The following POLR3E variants were observed in gnomAD, a reference collection of about 807,000 sequenced individuals.
POLR3E encodes the protein DNA-directed RNA polymerase III subunit RPC5.
In POLR3E, 41 loss-of-function variants were observed where a neutral mutation model predicts 96.6. The observed-to-expected ratio is 0.42, with a 90% confidence interval of 0.33 to 0.55. POLR3E has a LOEUF of 0.55. Ranked by LOEUF, POLR3E falls within the 20% of genes least tolerant of loss-of-function variation. The pLI is 0.06. For synonymous variants in POLR3E, 396 were observed against 383.6 expected (o/e 1.03, Z -0.38); for missense variants, 849 against 952.1 (o/e 0.89, Z 1.43).
At chr16:22,305,411 A>T in intron 3 of POLR3E, 3 of 697,592 alleles carry the variant, frequency 4.3e-6, no homozygotes, top group Non-Finnish European at 7.9e-6. Context: ...GGAGAGGCAG[A>T]AGTGTGCAGC....
At chr16:22,321,039 G>A (rs765684053) in intron 13 of POLR3E, among the ~76,000 whole-genome samples, 19 of 152,126 alleles carry the variant, frequency 1.2e-4, no homozygotes, top group East Asian at 1.9e-4. Flanking sequence ...GGTCTTGAGC[G>A]TGGGGCTTGA....
rs2141780210 is a variant in POLR3E, at chr16:22,318,223, A to G, written c.866-603A>G. The stretch of plus-strand genomic sequence containing the variant: ...ATTCTCATGCCTCAGCCTCTGGAGT[A>G]GCTGGGACTACAGGTGCCCGCCATC... On this transcript the variant is annotated intron_variant, in intron 12 of 20. Transcript: ENST00000299853. The surrounding 1 kb of genome is among the most constrained non-coding windows in gnomAD (Gnocchi z 5.0). Among the ~76,000 whole-genome samples the G allele has an allele frequency of 6.6e-6, 1 of 152,134 alleles. No individual in the cohort carries two copies. Among genetic ancestry groups the G allele is most frequent in the Non-Finnish European group, 1.5e-5 (1 of 67,976 alleles).
intron 13 of POLR3E, among the ~76,000 whole-genome samples, chr16:22,319,181 C>G (rs953922347): frequency 2.0e-5 from 3 of 151,488 alleles, no homozygotes; most frequent in Non-Finnish European, 4.4e-5. Flanking sequence ...ACCATGTTGG[C>G]CAGGCTGGTC....
At position 22,334,483 on chromosome 16, in the gene POLR3E, T is replaced by C. The variant is rs1039635721; in HGVS notation, c.*783T>C. ...TTCAAATGGTTACAGGAAGGCGATCTTGTTGGGCTCAGCGTTACGTGTATC... is the reference window on the plus strand; with the variant it reads ...TTCAAATGGTTACAGGAAGGCGATCCTGTTGGGCTCAGCGTTACGTGTATC... On this transcript the variant is annotated 3_prime_UTR_variant, in exon 21 of 21. Coordinates refer to ENST00000299853, the MANE Select transcript of POLR3E (RefSeq NM_018119.4). 3.9e-5 allele frequency: 6 copies of C among 152,190 alleles called. No individual in the cohort carries two copies. The highest frequency in any genetic ancestry group is 7.3e-5 in the Non-Finnish European group (5 of 68,040). 9.4% of individuals were successfully genotyped at this position (152,190 alleles called of 1,614,324 possible). A position where few individuals can be genotyped will look rare whatever the true frequency, so the allele number is the denominator to read the frequency against.
Position 22,313,930 on chromosome 16 carries a change from G to C in POLR3E, c.473-149G>C. 1 of 750,202 alleles carries C rather than the reference G, an allele frequency of 1.3e-6. No individual in the cohort carries two copies. The highest frequency in any genetic ancestry group is 2.1e-5 in the Admixed American group (1 of 46,604). 46.5% of individuals were successfully genotyped at this position (750,202 alleles called of 1,614,324 possible). ...ATCCCCAGGGTAAAGGGGCAAAACTGTCCCCGATTGAGAACCACTGGCTTA... is the reference window on the plus strand; with the variant it reads ...ATCCCCAGGGTAAAGGGGCAAAACTCTCCCCGATTGAGAACCACTGGCTTA... On this transcript the variant is annotated intron_variant, in intron 7 of 20. Transcript: ENST00000299853. This position sits in a 1 kb window ranked among gnomAD's most constrained non-coding sequence, Gnocchi z 4.1.
At chr16:22,321,898 A>C (rs1185309942) in intron 13 of POLR3E, among the ~76,000 whole-genome samples, 1 of 152,190 alleles carries the variant, frequency 6.6e-6, no homozygotes, top group Non-Finnish European at 1.5e-5. Flanking sequence ...GTGAGGAGAC[A>C]ATGCAAAATC....
In POLR3E at chr16:22,309,353, G is replaced by T; in HGVS notation, c.282-75G>T. On this transcript the variant is annotated intron_variant, in intron 5 of 20. Coordinates refer to ENST00000299853, the MANE Select transcript of POLR3E (RefSeq NM_018119.4). ...TGGCACTTCAGAAAGTGTCTAGGGG[G>T]TGGGGTGCGCTGTGGCCACAGGCCC... 4 of 1,092,878 alleles carry T rather than the reference G, an allele frequency of 3.7e-6. No homozygotes were observed. In the South Asian group the frequency reaches 5.0e-5, roughly 14 times the overall value. The allele number at this position is 1,092,878 out of a possible 1,614,324, so 67.7% of individuals were successfully genotyped here.
Position 22,324,400 on chromosome 16 carries a change from C to T in POLR3E, c.1115C>T (p.Ala372Val), listed in dbSNP as rs774911272. 6.2e-6 allele frequency: 10 copies of T among 1,612,622 alleles called. No homozygotes were observed. The highest frequency in any genetic ancestry group is 1.7e-5 in the Admixed American group (1 of 59,992). Residue 372 changes from alanine (A) to valine (V), a missense_variant, in exon 15 of 21, where the codon GCA (alanine) becomes GTA (valine). Coordinates refer to ENST00000299853, the MANE Select transcript of POLR3E (RefSeq NM_018119.4). ...CGCTGGGTGGTTAGGAAAGAGGTGG[C>T]AACCGTGACCAAAGTAAGTGGCGTT... is the stretch of plus-strand genomic sequence containing the variant. ...QSRWVVRKEV[A>V]TVTKLCAEDV...
rs183710057 is a variant in POLR3E, at chr16:22,316,395, G to A, written c.643-206G>A. Among the ~76,000 whole-genome samples the A allele has an allele frequency of 3.0e-4, 46 of 152,296 alleles. No homozygotes were observed. The East Asian group carries it at 6.0e-3, about 20-fold the overall frequency. On this transcript the variant is annotated intron_variant, in intron 9 of 20. Transcript: ENST00000299853. ...GTACCTGTGTTACAGACAAGGCATC[G>A]AGGCTTGGGGGCTGGGGCTGGGCAG...
chr16:22,326,778 T>G, intron 18 of POLR3E: 1 of 177,066 alleles, frequency 5.6e-6, no homozygotes, highest in Non-Finnish European at 1.2e-5. Context: ...GAGTTTTGAA[T>G]CCTTTCTGCT....
chr16:22,328,859 C>G (rs117111739), intron 19 of POLR3E: 7,082 of 392,472 alleles, frequency 0.018, 293 homozygotes, highest in East Asian at 0.12. Context: ...GGCGTAGTGG[C>G]TCACGCCTGT....
At chr16:22,328,798 C>T in intron 19 of POLR3E, 1 of 540,156 alleles carries the variant, frequency 1.9e-6, no homozygotes, top group East Asian at 3.3e-5. Flanking sequence ...TTCCCAGATG[C>T]CAGTCTGTGA....
chr16:22,314,018 G>T lies in POLR3E; in HGVS notation c.473-61G>T, dbSNP rs867384438. 8 of 1,456,834 alleles carry T rather than the reference G, an allele frequency of 5.5e-6. No homozygotes were observed. The Middle Eastern group carries it at 5.2e-4, about 95-fold the overall frequency. The allele number at this position is 1,456,834 out of a possible 1,614,324, so 90.2% of individuals were successfully genotyped here. On this transcript the variant is annotated intron_variant, in intron 7 of 20. Coordinates refer to ENST00000299853, the MANE Select transcript of POLR3E (RefSeq NM_018119.4). ...GCCTGAGGCTTCCCTGGCGGGTGGG[G>T]TTGAGAGAAGGGAGGTGGAGGCTCC...
At chr16:22,333,452 C>CAAA (rs1187205264) in intron 20 of POLR3E, among the ~76,000 whole-genome samples, 192 bp from the exon 21 acceptor site, 1 of 102,900 alleles carries the variant, frequency 9.7e-6, no homozygotes, top group African/African-American at 3.5e-5. Context: ...AACTCTGTTT[C>CAAA]AAAAAAAAAA....
intron 18 of POLR3E, chr16:22,326,576 T>A: frequency 2.0e-6 from 1 of 495,072 alleles, no homozygotes; most frequent in Admixed American, 3.4e-5. Context: ...TTTCTCACCC[T>A]GTCCCCCACC....
At position 22,330,988 on chromosome 16, in the gene POLR3E, C is replaced by CTTTTTTTTTTTTTT. The variant is rs56100056; in HGVS notation, c.1945-1051_1945-1038dup. Among the ~76,000 whole-genome samples, 9 of 50,732 alleles carry CTTTTTTTTTTTTTT rather than the reference C, an allele frequency of 1.8e-4. 3 individuals carry two copies. Among genetic ancestry groups the CTTTTTTTTTTTTTT allele is most frequent in the Admixed American group, 4.2e-4 (1 of 2,384 alleles). 33.3% of individuals were successfully genotyped at this position (50,732 alleles called of 152,430 possible). ...GACAAATAGTGATACATGAAGCATC[C>CTTTTTTTTTTTTTT]TTTTTTTTTTTTTTTTTTTTTTTTT... On this transcript the variant is annotated intron_variant, in intron 19 of 20. Coordinates refer to ENST00000299853, the MANE Select transcript of POLR3E (RefSeq NM_018119.4).
chr16:22,324,672 G>A lies in POLR3E; in HGVS notation c.1286+12G>A, dbSNP rs1567327156. 1 of 1,613,486 alleles carries A rather than the reference G, an allele frequency of 6.2e-7. No individual in the cohort carries two copies. Among genetic ancestry groups the A allele is most frequent in the East Asian group, 2.2e-5 (1 of 44,788 alleles). On this transcript the variant is annotated intron_variant, in intron 16 of 20. Transcript: ENST00000299853. ...GGTATCCAGGCCAAGTAAGCACCCTGGGCCAGGGAGGGGCAGCCCGGTGAT... is the reference window on the plus strand; with the variant it reads ...GGTATCCAGGCCAAGTAAGCACCCTAGGCCAGGGAGGGGCAGCCCGGTGAT...
intron 18 of POLR3E, chr16:22,326,669 A>G (rs1187815998): frequency 1.3e-5 from 4 of 312,912 alleles, no homozygotes; most frequent in Non-Finnish European, 2.5e-5. Flanking sequence ...TGCAATCTGC[A>G]GATGAAGAAA....
intron 12 of POLR3E, among the ~76,000 whole-genome samples, chr16:22,317,500 G>A (rs2048381659): frequency 6.6e-6 from 1 of 152,032 alleles, no homozygotes; most frequent in Non-Finnish European, 1.5e-5. Context: ...TCTTGGGCAG[G>A]TCATGAACCT....
Sources: gnomAD v4.1 joint callset for allele counts (sites outside exome capture counted in the v4.1 genomes callset) on GRCh38, gnomAD v4.1.1 for gene constraint, Gnocchi (gnomAD v3.1) non-coding constraint, MANE v1.5 for transcripts, NCBI Gene and HGNC (gene_info 2026-07-23, HGNC 2026-07-21) for gene names.